GNA14: variants seen among roughly 807,000 people sequenced by gnomAD.
The protein encoded by GNA14 is G protein subunit alpha 14.
GNA14 carries 50 observed loss-of-function variants against 42.0 expected under a neutral mutation model. The ratio of observed to expected loss-of-function variants is 1.19; its 90% CI spans 0.95 to 1.51. The LOEUF is 1.51. Among genes scored for constraint, GNA14 ranks in the 40% most tolerant of loss-of-function variants. The pLI is 0.00. For synonymous variants in GNA14, 173 were observed against 163.1 expected, an observed-to-expected ratio of 1.06 and a Z score of -0.46; for missense variants, 473 against 446.2, an observed-to-expected ratio of 1.06 and a Z score of -0.54.
At chr9:77,536,743 A>G (rs1305291860) in intron 1 of GNA14, among the ~76,000 whole-genome samples, 4 of 152,154 alleles carry the variant, frequency 2.6e-5, no homozygotes, top group Non-Finnish European at 2.9e-5. Context: ...ACTTTCTATC[A>G]TCTTTGGGTC....
At chr9:77,504,660 CTTT>C (rs34631344) in intron 2 of GNA14, among the ~76,000 whole-genome samples, 5 of 76,198 alleles carry the variant, frequency 6.6e-5, no homozygotes, top group Admixed American at 1.8e-4. Context: ...GTCTGGCCGA[CTTT>C]TTTTTTTTTT....
chr9:77,568,153 T>C (rs1184410213), intron 1 of GNA14, among the ~76,000 whole-genome samples: 2 of 151,960 alleles, frequency 1.3e-5, no homozygotes, highest in Non-Finnish European at 2.9e-5. Flanking sequence ...CAAATACTGC[T>C]TAAAGAATGT....
At chr9:77,593,895 C>T (rs1823425546) in intron 1 of GNA14, among the ~76,000 whole-genome samples, 1 of 152,220 alleles carries the variant, frequency 6.6e-6, no homozygotes. Flanking sequence ...TCTTTTTACT[C>T]TTCCCTCCTA....
rs146468916 is a variant in GNA14, at chr9:77,558,245, G to A, written c.125-28992C>T. Among the ~76,000 whole-genome samples, 970 of 152,182 alleles carry A rather than the reference G, an allele frequency of 6.4e-3. 14 individuals are homozygous for A. The highest frequency in any genetic ancestry group is 0.022 in the African/African-American group (919 of 41,514). On this transcript the variant is annotated intron_variant, in intron 1 of 6. Transcript: ENST00000341700. Reference sequence around the variant, plus strand: ...TTGGAGGTGCCTTGCCATGAAATCTGCACTTTCACATTGTCCAGCAAAACA... The same window carrying A: ...TTGGAGGTGCCTTGCCATGAAATCTACACTTTCACATTGTCCAGCAAAACA...
intron 1 of GNA14, among the ~76,000 whole-genome samples, chr9:77,566,170 T>TC (rs1282587963): frequency 1.5e-5 from 2 of 129,912 alleles, no homozygotes; most frequent in African/African-American, 3.4e-5. Flanking sequence ...TTTTTTTTTT[T>TC]CTGAGACAGG....
intron 2 of GNA14, among the ~76,000 whole-genome samples, chr9:77,489,911 G>A (rs1396194004): frequency 6.6e-6 from 1 of 152,142 alleles, no homozygotes; most frequent in Non-Finnish European, 1.5e-5. Context: ...GACCGGAGCA[G>A]GTTGCCACTG....
chr9:77,483,942 T>A (rs926143248), intron 2 of GNA14, among the ~76,000 whole-genome samples: 1 of 151,908 alleles, frequency 6.6e-6, no homozygotes, highest in Non-Finnish European at 1.5e-5. Context: ...AAAATCAGAG[T>A]GAGAATGACT....
chr9:77,570,002 T>A (rs1823037466), intron 1 of GNA14, among the ~76,000 whole-genome samples: 1 of 152,056 alleles, frequency 6.6e-6, no homozygotes, highest in Non-Finnish European at 1.5e-5. Context: ...CTTGACCTCG[T>A]GATCCGCTTG....
intron 1 of GNA14, among the ~76,000 whole-genome samples, chr9:77,604,766 G>A (rs560309086): frequency 6.6e-5 from 10 of 152,268 alleles, no homozygotes; most frequent in South Asian, 4.1e-4. Context: ...GACCACCTAT[G>A]GGGTTGTTGC....
chr9:77,424,102 G>T lies in GNA14; in HGVS notation c.945C>A (p.Asp315Glu), dbSNP rs748785814. ...ILKLYQDQNP[D>E]KEKVIYSHFT... ...AGTGAGAGTAGATGACTTTCTCTTT[G>T]TCAGGATTCTGATCTTGGTAAAGCT... The change falls in exon 7 of 7, where the codon GAC becomes GAA. Residue 315 changes from aspartate to glutamate, a missense_variant. Coordinates refer to ENST00000341700, the MANE Select transcript of GNA14 (RefSeq NM_004297.4). 6.2e-7 allele frequency: 1 copy of T among 1,612,212 alleles called. No individual in the cohort carries two copies. Among genetic ancestry groups the T allele is most frequent in the Admixed American group, 1.7e-5 (1 of 59,908 alleles).
chr9:77,555,845 A>G (rs1448181376), intron 1 of GNA14, among the ~76,000 whole-genome samples: 1 of 152,236 alleles, frequency 6.6e-6, no homozygotes, highest in East Asian at 1.9e-4. Context: ...CTATAGCATA[A>G]CAGCATAGAT....
intron 1 of GNA14, among the ~76,000 whole-genome samples, chr9:77,639,156 G>C (rs970353387): frequency 6.6e-6 from 1 of 151,960 alleles, no homozygotes; most frequent in Admixed American, 6.6e-5. Flanking sequence ...GCGCTGCCCA[G>C]CATCTGAGCA....
chr9:77,505,634 T>C (rs1017539791), intron 2 of GNA14, among the ~76,000 whole-genome samples: 1 of 152,246 alleles, frequency 6.6e-6, no homozygotes, highest in Admixed American at 6.5e-5. Context: ...TTGAGTCGCA[T>C]GCTGTTTGCT....
At chr9:77,464,080 A>G (rs899932286) in intron 2 of GNA14, among the ~76,000 whole-genome samples, 1 of 151,936 alleles carries the variant, frequency 6.6e-6, no homozygotes, top group Non-Finnish European at 1.5e-5. Flanking sequence ...AGGTCACTGC[A>G]ACCTCAGCCT....
At chr9:77,594,071 T>C (rs1038764538) in intron 1 of GNA14, among the ~76,000 whole-genome samples, 1 of 152,098 alleles carries the variant, frequency 6.6e-6, no homozygotes, top group Non-Finnish European at 1.5e-5. Context: ...CTCTGTAGCA[T>C]AGGGGAGGTG....
At chr9:77,523,088 C>T (rs1300906746) in intron 2 of GNA14, among the ~76,000 whole-genome samples, 1 of 152,200 alleles carries the variant, frequency 6.6e-6, no homozygotes, top group Non-Finnish European at 1.5e-5. Context: ...CCTCACACTT[C>T]TAGAAACATT....
At chr9:77,478,314 G>C (rs1201753835) in intron 2 of GNA14, among the ~76,000 whole-genome samples, 2 of 152,072 alleles carry the variant, frequency 1.3e-5, no homozygotes, top group East Asian at 3.9e-4. Flanking sequence ...TACTGAGAAT[G>C]ATGATTTCCA....
chr9:77,498,396 AAG>A (rs1554691950), intron 2 of GNA14, among the ~76,000 whole-genome samples: 2 of 150,696 alleles, frequency 1.3e-5, no homozygotes, highest in African/African-American at 4.9e-5. Flanking sequence ...AAAGAAAAAA[AAG>A]AAAAAGAAAA....
At chr9:77,634,832 G>C (rs1824155843) in intron 1 of GNA14, among the ~76,000 whole-genome samples, 1 of 152,120 alleles carries the variant, frequency 6.6e-6, no homozygotes, top group Non-Finnish European at 1.5e-5. Context: ...ACCAGTATTT[G>C]AGCTAAGTTC....
Sources: allele counts gnomAD v4.1 joint callset (sites outside exome capture counted in the v4.1 genomes callset), GRCh38; gene constraint gnomAD v4.1.1; transcripts MANE v1.5; gene names NCBI Gene and HGNC (gene_info 2026-07-23, HGNC 2026-07-21).